Variants in RGS20 observed in about 807,000 individuals in gnomAD.
RGS20 encodes gz-selective GTPase-activating protein.
In RGS20, 30 loss-of-function variants were observed where a neutral mutation model predicts 33.6. The observed-to-expected ratio is 0.89, with a 90% CI of 0.67 to 1.21. The LOEUF is 1.21. Among genes scored for constraint, RGS20 ranks in the 50% most tolerant of loss-of-function variants. The pLI is 0.00. For missense variants in RGS20, 472 were observed against 502.4 expected (o/e 0.94, Z 0.58); for synonymous variants, 208 against 197.9 (o/e 1.05, Z -0.43).
intron 2 of RGS20, among the ~76,000 whole-genome samples, chr8:53,936,524 T>C (rs1393734964): frequency 6.6e-6 from 1 of 152,016 alleles, no homozygotes; most frequent in Non-Finnish European, 1.5e-5. Context: ...ATAAAATACC[T>C]AGAAATACAA....
intron 4 of RGS20, among the ~76,000 whole-genome samples, chr8:53,950,240 A>G (rs1814670687): frequency 6.6e-6 from 1 of 152,206 alleles, no homozygotes; most frequent in Non-Finnish European, 1.5e-5. Flanking sequence ...AAAAAAATTG[A>G]TGATTGAAAT....
intron 1 of RGS20, among the ~76,000 whole-genome samples, chr8:53,857,450 T>A (rs1175126497): frequency 1.3e-5 from 2 of 152,042 alleles, no homozygotes; most frequent in African/African-American, 2.4e-5. Flanking sequence ...TTATTCAGCC[T>A]CTAAGCTCAC....
intron 1 of RGS20, among the ~76,000 whole-genome samples, chr8:53,868,513 T>C (rs1585867782): frequency 6.6e-6 from 1 of 152,180 alleles, no homozygotes; most frequent in African/African-American, 2.4e-5. Context: ...GGAGTAGTTA[T>C]TGATATAACG....
At chr8:53,912,937 A>T (rs1813386214) in intron 2 of RGS20, among the ~76,000 whole-genome samples, 1 of 152,034 alleles carries the variant, frequency 6.6e-6, no homozygotes, top group African/African-American at 2.4e-5. Flanking sequence ...ATAGTTTTAC[A>T]CATATTTTAT....
At chr8:53,880,783 C>T (rs1812341229) in intron 2 of RGS20, 89 bp from the exon 1 acceptor site, 4 of 1,240,930 alleles carry the variant, frequency 3.2e-6, no homozygotes, top group Non-Finnish European at 4.2e-6. Context: ...CCCCTAGCAC[C>T]CGCGGCGGTG....
At chr8:53,879,172 C>A (rs1185589761) in intron 1 of RGS20, 95 of 1,119,868 alleles carry the variant, frequency 8.5e-5, no homozygotes, top group Non-Finnish European at 1.2e-4. Context: ...AGTAACGCTT[C>A]AAAATTCTGT....
intron 1 of RGS20, among the ~76,000 whole-genome samples, chr8:53,857,020 A>C (rs1485287966): frequency 6.6e-6 from 1 of 152,240 alleles, no homozygotes; most frequent in Non-Finnish European, 1.5e-5. Context: ...CTGTTGGCCA[A>C]ACACCTTACC....
chr8:53,937,219 C>A (rs1814161254), intron 2 of RGS20, among the ~76,000 whole-genome samples: 1 of 151,930 alleles, frequency 6.6e-6, no homozygotes, highest in Non-Finnish European at 1.5e-5. Context: ...TGAAGCATAC[C>A]AACATGGCAC....
At chr8:53,860,549 A>G (rs758464643) in intron 1 of RGS20, among the ~76,000 whole-genome samples, 1 of 146,280 alleles carries the variant, frequency 6.8e-6, no homozygotes, top group Non-Finnish European at 1.5e-5. Context: ...ACCTCAGACC[A>G]GGAATCTGTG....
intron 2 of RGS20, among the ~76,000 whole-genome samples, chr8:53,900,877 A>C (rs1338198777): frequency 6.6e-6 from 1 of 151,946 alleles, no homozygotes; most frequent in Non-Finnish European, 1.5e-5. Flanking sequence ...TCAGCACAGC[A>C]CTCAGAGGAC....
intron 2 of RGS20, among the ~76,000 whole-genome samples, chr8:53,934,605 T>G (rs1814076405): frequency 6.6e-6 from 1 of 152,182 alleles, no homozygotes; most frequent in African/African-American, 2.4e-5. Context: ...TCCATATTCA[T>G]AAAGCAAGTT....
intron 2 of RGS20, among the ~76,000 whole-genome samples, chr8:53,882,366 A>G (rs1812413489): frequency 6.6e-6 from 1 of 151,976 alleles, no homozygotes; most frequent in African/African-American, 2.4e-5. Context: ...ATCAAAGGAA[A>G]ATCCTGGCGA....
intron 2 of RGS20, among the ~76,000 whole-genome samples, chr8:53,889,436 T>C (rs1289157928): frequency 1.4e-4 from 17 of 122,124 alleles, no homozygotes; most frequent in African/African-American, 4.9e-4. Flanking sequence ...TTTTTTTTTT[T>C]TTTTTTTTTT....
intron 2 of RGS20, among the ~76,000 whole-genome samples, chr8:53,912,965 A>G (rs1813386918): frequency 6.6e-6 from 1 of 151,812 alleles, no homozygotes; most frequent in Non-Finnish European, 1.5e-5. Context: ...AATGCACTGC[A>G]ATTGATTTTT....
At chr8:53,891,837 T>G (rs972629112) in intron 2 of RGS20, among the ~76,000 whole-genome samples, 6 of 150,332 alleles carry the variant, frequency 4.0e-5, no homozygotes, top group Admixed American at 3.3e-4. Flanking sequence ...TTGCAACTTT[T>G]TTTTTTTGGT....
intron 2 of RGS20, among the ~76,000 whole-genome samples, chr8:53,916,593 CTT>C (rs1813489123): frequency 6.6e-6 from 1 of 152,018 alleles, no homozygotes; most frequent in Admixed American, 6.6e-5. Context: ...TTGTAGGAAA[CTT>C]TTGTAGGAAG....
intron 3 of RGS20, among the ~76,000 whole-genome samples, chr8:53,942,636 T>C (rs1023518390): frequency 2.0e-5 from 3 of 152,034 alleles, no homozygotes; most frequent in Non-Finnish European, 4.4e-5. Context: ...TATTGTGGTA[T>C]AGTTATACAA....
Position 53,859,836 on chromosome 8 carries a change from C to T in RGS20, c.165+7772C>T, listed in dbSNP as rs574490696. Among the ~76,000 whole-genome samples the T allele has an allele frequency of 1.8e-4, 28 of 152,232 alleles. No homozygotes were observed. In the South Asian group the frequency reaches 4.2e-3, roughly 23 times the overall value. ...GCAGGGGGACTGCCCTTTATAAAGC[C>T]GTCGGATCTCATGAGACTTATTCAC... On this transcript the variant is annotated intron_variant, in intron 1 of 5. Transcript: ENST00000297313.
At chr8:53,953,972 A>G (rs983252109) in intron 4 of RGS20, 104 bp from the exon 4 acceptor site, 2 of 842,106 alleles carry the variant, frequency 2.4e-6, no homozygotes, top group African/African-American at 3.4e-5. Context: ...AAATGCATAT[A>G]TTTTTCATTC....
Sources: allele counts gnomAD v4.1 joint callset (sites outside exome capture counted in the v4.1 genomes callset), GRCh38; gene constraint gnomAD v4.1.1; transcripts MANE v1.5; gene names NCBI Gene and HGNC (gene_info 2026-07-23, HGNC 2026-07-21).